Variants in CSTPP1 observed in about 807,000 individuals in gnomAD.
The protein encoded by CSTPP1 is centriolar satellite-associated tubulin polyglutamylase complex regulator 1.
the CSTPP1 span, among the ~76,000 whole-genome samples, chr11:47,093,773 C>T: frequency 1.3e-5 from 2 of 152,186 alleles, no homozygotes; most frequent in South Asian, 2.1e-4. Context: ...GGGACTTAAG[C>T]GAGATAATGC....
chr11:47,137,413 C>G, the CSTPP1 span: 1 of 1,510,456 alleles, frequency 6.6e-7, no homozygotes. Flanking sequence ...CAGTGAAGCT[C>G]CTTTGGTCAA....
At chr11:47,142,969 T>G in the CSTPP1 span, among the ~76,000 whole-genome samples, 3 of 152,136 alleles carry the variant, frequency 2.0e-5, no homozygotes, top group Non-Finnish European at 4.4e-5. Context: ...CCAGTCCATA[T>G]CAATAGCAGT....
At chr11:46,958,286 C>T in the CSTPP1 span, among the ~76,000 whole-genome samples, 4 of 152,010 alleles carry the variant, frequency 2.6e-5, no homozygotes, top group African/African-American at 9.7e-5. Context: ...AGGCATGAGC[C>T]ACCACGCCTG....
chr11:47,097,940 CTT>C, the CSTPP1 span, among the ~76,000 whole-genome samples: 1 of 38,882 alleles, frequency 2.6e-5, no homozygotes, highest in African/African-American at 1.1e-4. Context: ...ACATGGGAGA[CTT>C]TTCATTTTGT....
the CSTPP1 span, among the ~76,000 whole-genome samples, chr11:47,087,496 C>T: frequency 6.6e-6 from 1 of 152,076 alleles, no homozygotes; most frequent in South Asian, 2.1e-4. Context: ...GTCAGGAGAT[C>T]GAGGCCATCC....
the CSTPP1 span, among the ~76,000 whole-genome samples, chr11:47,064,369 G>A: frequency 6.6e-6 from 1 of 151,876 alleles, no homozygotes; most frequent in East Asian, 1.9e-4. Flanking sequence ...TGTTTTTGGT[G>A]TTATATCTAG....
chr11:46,990,384 T>C, the CSTPP1 span, among the ~76,000 whole-genome samples: 1 of 152,238 alleles, frequency 6.6e-6, no homozygotes. Flanking sequence ...TTTGCATTTC[T>C]CTGATGATGA....
chr11:47,118,526 G>T, the CSTPP1 span, among the ~76,000 whole-genome samples: 3 of 152,174 alleles, frequency 2.0e-5, no homozygotes, highest in African/African-American at 7.2e-5. Context: ...TGGAGGAGAA[G>T]AGGTGCTCTG....
the CSTPP1 span, among the ~76,000 whole-genome samples, chr11:46,941,046 T>C: frequency 6.6e-6 from 1 of 152,092 alleles, no homozygotes; most frequent in Non-Finnish European, 1.5e-5. Flanking sequence ...GAGTCTCAGG[T>C]TGGTTGAAAA....
At chr11:46,956,959 AATAT>A in the CSTPP1 span, among the ~76,000 whole-genome samples, 1,079 of 151,422 alleles carry the variant, frequency 7.1e-3, 7 homozygotes, top group Non-Finnish European at 0.012. Context: ...ATATATGTAA[AATAT>A]ATATAATATA....
the CSTPP1 span, among the ~76,000 whole-genome samples, chr11:47,093,699 A>G: frequency 2.0e-5 from 3 of 152,194 alleles, no homozygotes; most frequent in African/African-American, 4.8e-5. Context: ...TTAAGCTCTC[A>G]GAGCCTGAGT....
At chr11:47,033,194 C>T in the CSTPP1 span, among the ~76,000 whole-genome samples, 3 of 151,252 alleles carry the variant, frequency 2.0e-5, no homozygotes, top group East Asian at 1.9e-4. Flanking sequence ...CAGGCACACT[C>T]GGTGTAGCTT....
At chr11:46,977,137 G>A in the CSTPP1 span, among the ~76,000 whole-genome samples, 8 of 152,308 alleles carry the variant, frequency 5.3e-5, no homozygotes, top group African/African-American at 1.7e-4. Context: ...CTGGCAGCAC[G>A]TGTCCCTGAG....
the CSTPP1 span, among the ~76,000 whole-genome samples, chr11:47,148,422 C>T: frequency 3.3e-5 from 5 of 152,090 alleles, no homozygotes; most frequent in Admixed American, 2.6e-4. Flanking sequence ...CCATGACTGA[C>T]ACCTTGATTT....
chr11:47,020,747 C>G, the CSTPP1 span, among the ~76,000 whole-genome samples: 6 of 152,112 alleles, frequency 3.9e-5, no homozygotes, highest in Non-Finnish European at 8.8e-5. Context: ...ATAACTAAAA[C>G]AGTGGTTGAA....
chr11:47,069,264 G>A, the CSTPP1 span, among the ~76,000 whole-genome samples: 3 of 152,172 alleles, frequency 2.0e-5, no homozygotes, highest in Non-Finnish European at 2.9e-5. Context: ...GGTAGGACCT[G>A]TAAAACCAAG....
the CSTPP1 span, among the ~76,000 whole-genome samples, chr11:47,069,420 G>A: frequency 6.6e-6 from 1 of 152,142 alleles, no homozygotes; most frequent in African/African-American, 2.4e-5. Flanking sequence ...AGTAGTTAAG[G>A]CATAAGAATG....
chr11:46,969,585 G>A, the CSTPP1 span, among the ~76,000 whole-genome samples: 12 of 152,274 alleles, frequency 7.9e-5, no homozygotes, highest in African/African-American at 2.9e-4. Flanking sequence ...TTCATAATAG[G>A]TCCAGATTAT....
At chr11:47,152,214 A>C in the CSTPP1 span, among the ~76,000 whole-genome samples, 1 of 150,546 alleles carries the variant, frequency 6.6e-6, no homozygotes, top group Non-Finnish European at 1.5e-5. Context: ...GCACCACTGC[A>C]CTCCAGCCTG....
Sources: gnomAD v4.1 joint callset for allele counts (sites outside exome capture counted in the v4.1 genomes callset) on GRCh38, gnomAD v4.1.1 for gene constraint, MANE v1.5 for transcripts, NCBI Gene and HGNC (gene_info 2026-07-23, HGNC 2026-07-21) for gene names.